The following STPG2 variants were observed in gnomAD, a reference collection of about 807,000 sequenced individuals.
The protein encoded by STPG2 is sperm tail PG-rich repeat containing 2.
Under a neutral mutation model 54.2 loss-of-function variants are expected in STPG2, and 56 were observed. The ratio of observed to expected loss-of-function variants is 1.03; its 90% CI spans 0.83 to 1.29. The LOEUF is 1.29. STPG2 is among the 50% of genes most tolerant of loss of function. The probability of loss-of-function intolerance (pLI) is 0.00; values close to 1 mark genes in which losing one functional copy is unlikely to be tolerated. For missense variants in STPG2, 596 were observed against 544.9 expected, an observed-to-expected ratio of 1.09 and a Z score of -0.93; for synonymous variants, 200 against 181.8, an observed-to-expected ratio of 1.10 and a Z score of -0.81.
At chr4:97,876,403 C>T (rs1170042542) in intron 8 of STPG2, among the ~76,000 whole-genome samples, 1 of 151,982 alleles carries the variant, frequency 6.6e-6, no homozygotes, top group Non-Finnish European at 1.5e-5. Context: ...GTTAATGCTT[C>T]TTTTATAATT....
At chr4:97,544,032 C>T (rs1049279353) in intron 4 of STPG2, among the ~76,000 whole-genome samples, 1 of 151,962 alleles carries the variant, frequency 6.6e-6, no homozygotes, top group Non-Finnish European at 1.5e-5. Flanking sequence ...AAAAAGAAAA[C>T]TGTACAGAGA....
chr4:98,113,422 A>G (rs2110148288), intron 3 of STPG2, among the ~76,000 whole-genome samples: 1 of 152,248 alleles, frequency 6.6e-6, no homozygotes, highest in Non-Finnish European at 1.5e-5. Context: ...AACTCTCTTT[A>G]GTAACTCCAA....
chr4:97,944,303 C>T (rs1215055), intron 7 of STPG2, among the ~76,000 whole-genome samples: 62,619 of 151,570 alleles, frequency 0.41, 13,588 homozygotes, highest in Admixed American at 0.53. Context: ...CAAGTTCTGT[C>T]TCAATAATAT....
At chr4:97,731,067 G>A (rs1724779438) in intron 9 of STPG2, among the ~76,000 whole-genome samples, 1 of 152,182 alleles carries the variant, frequency 6.6e-6, no homozygotes, top group South Asian at 2.1e-4. Context: ...AGGCAAGGAG[G>A]CACTCTGACT....
chr4:97,984,749 GGAT>G (rs1734779130), intron 5 of STPG2, among the ~76,000 whole-genome samples: 1 of 152,054 alleles, frequency 6.6e-6, no homozygotes, highest in African/African-American at 2.4e-5. Flanking sequence ...CCCCTGTTGG[GGAT>G]GCTGCGCTAC....
intron 9 of STPG2, among the ~76,000 whole-genome samples, chr4:97,801,593 C>A (rs576137568): frequency 6.6e-6 from 1 of 152,178 alleles, no homozygotes; most frequent in Non-Finnish European, 1.5e-5. Flanking sequence ...TGGCTGGGTG[C>A]TGTTCAGAAA....
chr4:97,663,655 C>T (rs973010581), intron 10 of STPG2, among the ~76,000 whole-genome samples: 2 of 152,090 alleles, frequency 1.3e-5, no homozygotes, highest in African/African-American at 4.8e-5. Context: ...TCATCAAAAA[C>T]AGATACAAAT....
chr4:98,072,404 G>A (rs1341395512), intron 5 of STPG2, among the ~76,000 whole-genome samples: 1 of 152,008 alleles, frequency 6.6e-6, no homozygotes, highest in Non-Finnish European at 1.5e-5. Context: ...ACTGGGGCCT[G>A]TGGGGTGCAG....
At chr4:97,772,502 CA>C (rs1387307247) in intron 9 of STPG2, among the ~76,000 whole-genome samples, 1 of 151,982 alleles carries the variant, frequency 6.6e-6, no homozygotes, top group East Asian at 1.9e-4. Flanking sequence ...CCTTTTTTAA[CA>C]ATAAAGGCTT....
intron 10 of STPG2, among the ~76,000 whole-genome samples, chr4:97,570,064 T>G (rs1028646512): frequency 6.6e-5 from 10 of 152,204 alleles, no homozygotes; most frequent in African/African-American, 2.2e-4. Flanking sequence ...TTTCTCAATT[T>G]TTTAAGGATT....
At chr4:98,034,350 T>G (rs1736700476) in intron 5 of STPG2, among the ~76,000 whole-genome samples, 1 of 152,192 alleles carries the variant, frequency 6.6e-6, no homozygotes, top group Admixed American at 6.5e-5. Flanking sequence ...CATTCACAAC[T>G]GCTACTAAGA....
chr4:97,522,117 A>G (rs1731196062), intron 4 of STPG2, among the ~76,000 whole-genome samples: 2 of 151,960 alleles, frequency 1.3e-5, no homozygotes, highest in Admixed American at 6.6e-5. Context: ...CATTCGTGGG[A>G]GTGCGGAAAA....
At chr4:98,076,863 C>T (rs1738183580) in intron 5 of STPG2, among the ~76,000 whole-genome samples, 1 of 152,084 alleles carries the variant, frequency 6.6e-6, no homozygotes, top group African/African-American at 2.4e-5. Flanking sequence ...ATTAAAACTA[C>T]AACTTTATAA....
chr4:97,557,177 CA>C (rs201582905), downstream of STPG2, among the ~76,000 whole-genome samples: 7 of 144,708 alleles, frequency 4.8e-5, no homozygotes, highest in African/African-American at 7.6e-5. Context: ...GAGACTCCAT[CA>C]AAAAAAAAAC....
chr4:98,094,517 T>G (rs1005373073), intron 5 of STPG2, among the ~76,000 whole-genome samples: 1 of 151,818 alleles, frequency 6.6e-6, no homozygotes, highest in Non-Finnish European at 1.5e-5. Context: ...ACCAGTGGAG[T>G]AGAGCAACAA....
intron 5 of STPG2, among the ~76,000 whole-genome samples, chr4:98,085,983 G>A (rs879449886): frequency 1.2e-4 from 18 of 151,912 alleles, no homozygotes; most frequent in African/African-American, 3.6e-4. Context: ...GGTAGGCAAC[G>A]GCTCAGATGA....
chr4:97,797,003 T>C (rs1727208997), intron 9 of STPG2, among the ~76,000 whole-genome samples: 1 of 152,212 alleles, frequency 6.6e-6, no homozygotes, highest in Non-Finnish European at 1.5e-5. Context: ...GTTATTGGTG[T>C]ATAAGAATGC....
intron 4 of STPG2, among the ~76,000 whole-genome samples, chr4:97,504,235 AC>A (rs964678508): frequency 6.8e-6 from 1 of 147,468 alleles, no homozygotes; most frequent in African/African-American, 2.5e-5. Flanking sequence ...ATTACCTGTT[AC>A]CCCCTCTTTT....
chr4:98,010,273 A>G (rs1025937120), intron 5 of STPG2, among the ~76,000 whole-genome samples: 2 of 152,072 alleles, frequency 1.3e-5, no homozygotes, highest in African/African-American at 4.8e-5. Flanking sequence ...TGTATCCCAT[A>G]GATTTTAGTA....
Sources: gnomAD v4.1 joint callset for allele counts (sites outside exome capture counted in the v4.1 genomes callset) on GRCh38, gnomAD v4.1.1 for gene constraint, MANE v1.5 for transcripts, NCBI Gene and HGNC (gene_info 2026-07-23, HGNC 2026-07-21) for gene names.